UBA3: variants seen among roughly 807,000 people sequenced by gnomAD.
UBA3 encodes ubiquitin like modifier activating enzyme 3, also known as NEDD8-activating enzyme E1 catalytic subunit.
In UBA3, 26 loss-of-function variants were observed where a neutral mutation model predicts 73.5. The ratio of observed to expected loss-of-function variants is 0.35; its 90% CI spans 0.26 to 0.49. The LOEUF (loss-of-function observed/expected upper bound fraction) is 0.49, where lower values mean the gene tolerates loss of function less well. UBA3 is among the 20% of genes least tolerant of loss of function. The probability of loss-of-function intolerance (pLI) is 0.98; values close to 1 mark genes in which losing one functional copy is unlikely to be tolerated. For synonymous variants in UBA3, 217 were observed against 191.2 expected (o/e 1.13, Z -1.11); for missense variants, 495 against 555.6 (o/e 0.89, Z 1.10).
intron 6 of UBA3, among the ~76,000 whole-genome samples, chr3:69,066,968 G>A (rs1353007824): frequency 3.9e-5 from 6 of 152,068 alleles, no homozygotes; most frequent in African/African-American, 1.4e-4. Flanking sequence ...CTCTGGTAAC[G>A]CCACTGAGTC....
At chr3:69,069,383 A>G (rs1372908414) in intron 5 of UBA3, among the ~76,000 whole-genome samples, 1 of 152,086 alleles carries the variant, frequency 6.6e-6, no homozygotes, top group Non-Finnish European at 1.5e-5. Context: ...GCTGGAGTGC[A>G]GTGGCACAAT....
intron 11 of UBA3, 35 bp from the exon 12 acceptor site, chr3:69,057,344 C>A (rs2091982974): frequency 6.4e-7 from 1 of 1,570,904 alleles, no homozygotes; most frequent in Non-Finnish European, 8.7e-7. Flanking sequence ...ATGGTCATTT[C>A]TTTAAAATAA....
chr3:69,057,293 G>T lies in UBA3; in HGVS notation c.927C>A (p.Ile309=), dbSNP rs779588898. 6 of 1,610,808 alleles carry T rather than the reference G, an allele frequency of 3.7e-6. No individual in the cohort carries two copies. The South Asian group carries it at 5.5e-5, about 15-fold the overall frequency. Residue 309 remains isoleucine, a synonymous_variant, in exon 12 of 18, where the codon ATC becomes ATA. Coordinates refer to ENST00000361055, the MANE Select transcript of UBA3 (RefSeq NM_003968.4). ...CATTTGTGGAAGCTACTGCAGGAAT[G>T]ATTCTTTTTACTACCCCTGAAAAAA... is the stretch of plus-strand genomic sequence containing the variant. ...YRLTQGVVKR[I]IPAVASTNAV... is the part of the protein sequence containing the mutation.
At position 69,055,157 on chromosome 3, in the gene UBA3, C is replaced by A. The variant is rs1481720152; in HGVS notation, c.*280G>T. ...TTTGACCATAATAACAAAATTCACACAAAAGAGGTTGTATGCTTCCTCCTC... is the reference window on the plus strand; with the variant it reads ...TTTGACCATAATAACAAAATTCACAAAAAAGAGGTTGTATGCTTCCTCCTC... On this transcript the variant is annotated 3_prime_UTR_variant, in exon 18 of 18. Transcript: ENST00000361055. 4.4e-6 allele frequency: 1 copy of A among 227,588 alleles called. No homozygotes were observed. The highest frequency in any genetic ancestry group is 2.3e-5 in the African/African-American group (1 of 44,290). The allele number at this position is 227,588 out of a possible 1,614,324, so 14.1% of individuals were successfully genotyped here. A position where few individuals can be genotyped will look rare whatever the true frequency, so the allele number is the denominator to read the frequency against.
intron 3 of UBA3, among the ~76,000 whole-genome samples, chr3:69,077,052 G>A (rs568425497): frequency 1.3e-4 from 19 of 149,234 alleles, no homozygotes; most frequent in African/African-American, 4.6e-4. Flanking sequence ...AGAAGCACAA[G>A]AAAATATGGT....
intron 4 of UBA3, among the ~76,000 whole-genome samples, chr3:69,074,206 G>C (rs2092145546): frequency 6.6e-6 from 1 of 152,114 alleles, no homozygotes; most frequent in African/African-American, 2.4e-5. Flanking sequence ...TAGGAAACTT[G>C]TACATTTATA....
At chr3:69,079,066 A>C (rs1485126373) in intron 2 of UBA3, among the ~76,000 whole-genome samples, 2 of 152,238 alleles carry the variant, frequency 1.3e-5, no homozygotes, top group Non-Finnish European at 2.9e-5. Context: ...AGTATTGCCT[A>C]GCAATAAAAA....
chr3:69,056,762 A>G lies in UBA3; in HGVS notation c.1001+17T>C. On this transcript the variant is annotated intron_variant, in intron 13 of 17. Coordinates refer to ENST00000361055, the MANE Select transcript of UBA3 (RefSeq NM_003968.4). ...AAAACATAAATTTACATGCATATTA[A>G]AAATGAAACCTATTACCTTGTGGCT... 6.2e-7 allele frequency: 1 copy of G among 1,612,516 alleles called. No homozygotes were observed. The highest frequency in any genetic ancestry group is 1.7e-4 in the Middle Eastern group (1 of 6,048).
chr3:69,076,793 A>G (rs1247118578), intron 3 of UBA3, among the ~76,000 whole-genome samples: 1 of 144,494 alleles, frequency 6.9e-6, no homozygotes, highest in Non-Finnish European at 1.5e-5. Flanking sequence ...GGTTCTCTCT[A>G]TGTTGCCCAG....
chr3:69,070,085 A>G (rs1372275036), intron 5 of UBA3, among the ~76,000 whole-genome samples: 1 of 152,230 alleles, frequency 6.6e-6, no homozygotes, highest in East Asian at 1.9e-4. Flanking sequence ...TACTTGCTAC[A>G]TATCGTTATT....
intron 2 of UBA3, chr3:69,079,602 C>G (rs2092200403): frequency 6.5e-6 from 1 of 153,440 alleles, no homozygotes; most frequent in African/African-American, 2.4e-5. Context: ...AGTCAACAAC[C>G]TCTTTCCAGA....
At chr3:69,066,162 T>C (rs2092070003) in intron 6 of UBA3, among the ~76,000 whole-genome samples, 1 of 152,152 alleles carries the variant, frequency 6.6e-6, no homozygotes, top group Non-Finnish European at 1.5e-5. Flanking sequence ...CAAAAAATTA[T>C]TTTAATTTTT....
At chr3:69,058,084 C>T (rs1359973953) in intron 11 of UBA3, among the ~76,000 whole-genome samples, 2 of 152,006 alleles carry the variant, frequency 1.3e-5, no homozygotes, top group Admixed American at 1.3e-4. Flanking sequence ...GGGCCCGCCA[C>T]CACGCCTGGC....
intron 5 of UBA3, among the ~76,000 whole-genome samples, chr3:69,068,421 A>G (rs941699332): frequency 6.6e-6 from 1 of 152,086 alleles, no homozygotes; most frequent in African/African-American, 2.4e-5. Flanking sequence ...GGGATGCAAG[A>G]ACCTTCATTT....
intron 11 of UBA3, among the ~76,000 whole-genome samples, chr3:69,059,854 T>C (rs2092007628): frequency 6.6e-6 from 1 of 152,178 alleles, no homozygotes; most frequent in Non-Finnish European, 1.5e-5. Context: ...TTGATCACTA[T>C]GATTGAGCAT....
At chr3:69,079,913 C>G in intron 2 of UBA3, 199 bp downstream of exon 2, 1 of 547,816 alleles carries the variant, frequency 1.8e-6, no homozygotes, top group Admixed American at 3.9e-5. Context: ...GGCCCCGACG[C>G]CCGCACCGGG....
chr3:69,074,080 G>C (rs955901252), intron 4 of UBA3, among the ~76,000 whole-genome samples: 2 of 152,182 alleles, frequency 1.3e-5, no homozygotes, highest in African/African-American at 4.8e-5. Flanking sequence ...ATAAAGAAGA[G>C]GTCACTCCTT....
rs185740831 is a variant in UBA3 at position 69,061,252 on chromosome 3, T to C, written c.910+562A>G. On this transcript the variant is annotated intron_variant, in intron 11 of 17. Transcript: ENST00000361055. Reference sequence around the variant, plus strand: ...TCTTGTTGCCCAGGCTGGAAAGCAGTGGCGCAATCTCAGGCTCACTGCAAC... The same window carrying C: ...TCTTGTTGCCCAGGCTGGAAAGCAGCGGCGCAATCTCAGGCTCACTGCAAC... Among the ~76,000 whole-genome samples the C allele has an allele frequency of 2.3e-3, 352 of 152,360 alleles. 1 individual carries two copies. The highest frequency in any genetic ancestry group is 3.4e-3 in the Middle Eastern group (1 of 294).
In UBA3 at chr3:69,063,507, C is replaced by CAAAAA; in HGVS notation, c.473-9_473-5dup. On this transcript the variant is annotated splice_region_variant and splice_polypyrimidine_tract_variant and intron_variant, in intron 7 of 17. Transcript: ENST00000361055. The stretch of plus-strand genomic sequence containing the variant: ...CCACATACAATAATATGAAATTCTA[C>CAAAAA]AAAAAAAAAAAAAAGCAACTTTAGT... 8.7e-7 allele frequency: 1 copy of CAAAAA among 1,145,100 alleles called. No homozygotes were observed. Among genetic ancestry groups the CAAAAA allele is most frequent in the Non-Finnish European group, 1.2e-6 (1 of 867,760 alleles). The allele number at this position is 1,145,100 out of a possible 1,614,324, so 70.9% of individuals were successfully genotyped here.
Sources: allele counts gnomAD v4.1 joint callset (sites outside exome capture counted in the v4.1 genomes callset), GRCh38; gene constraint gnomAD v4.1.1; transcripts MANE v1.5; gene names NCBI Gene and HGNC (gene_info 2026-07-23, HGNC 2026-07-21).